The following KIF6 variants were observed in gnomAD, a reference collection of about 807,000 sequenced individuals.
The protein encoded by KIF6 is kinesin family member 6.
Under a neutral mutation model 112.7 loss-of-function variants are expected in KIF6, and 106 were observed. The ratio of observed to expected loss-of-function variants is 0.94; its 90% CI spans 0.80 to 1.11. KIF6 has a LOEUF of 1.11. Among genes scored for constraint, KIF6 ranks in the 50% least tolerant of loss-of-function variants. KIF6 has a pLI of 0.00. For synonymous variants in KIF6, 339 were observed against 339.9 expected (o/e 1.00, Z 0.03); for missense variants, 929 against 964.0 (o/e 0.96, Z 0.48).
At chr6:39,339,149 C>A (rs958596112) in intron 22 of KIF6, among the ~76,000 whole-genome samples, 1 of 152,134 alleles carries the variant, frequency 6.6e-6, no homozygotes, top group South Asian at 2.1e-4. Flanking sequence ...GAAAGGAGGG[C>A]ACACTACAGA....
chr6:39,645,877 A>G (rs1435311171), intron 3 of KIF6, among the ~76,000 whole-genome samples: 2 of 151,812 alleles, frequency 1.3e-5, no homozygotes, highest in African/African-American at 2.4e-5. Flanking sequence ...AGGACAAAAA[A>G]CCAAACACCA....
At chr6:39,364,180 C>T (rs144339427) in intron 16 of KIF6, among the ~76,000 whole-genome samples, 2 of 152,132 alleles carry the variant, frequency 1.3e-5, no homozygotes, top group East Asian at 1.9e-4. Flanking sequence ...CAACCTCTGC[C>T]TCCCAGGTTC....
intron 19 of KIF6, among the ~76,000 whole-genome samples, chr6:39,351,808 C>A (rs1764264202): frequency 6.6e-6 from 1 of 152,202 alleles, no homozygotes; most frequent in Non-Finnish European, 1.5e-5. Flanking sequence ...AGAGCTTATT[C>A]TCATGGGGCA....
chr6:39,606,479 A>C (rs1334372022), intron 6 of KIF6, among the ~76,000 whole-genome samples: 1 of 152,174 alleles, frequency 6.6e-6, no homozygotes, highest in African/African-American at 2.4e-5. Context: ...ATCTTTGAAC[A>C]TGACTATCCC....
chr6:39,342,692 C>T lies in KIF6; in HGVS notation c.2428+1017G>A, dbSNP rs1221564846. 7.4e-6 allele frequency: 4 copies of T among 542,088 alleles called. No homozygotes were observed. In the African/African-American group the frequency reaches 8.8e-5, roughly 12 times the overall value. The allele number at this position is 542,088 out of a possible 1,614,324, so 33.6% of individuals were successfully genotyped here. ...ACAGCAGAGGTGGGGCTGTCTCAGGCTTAAGAAAGGACCTGACAGTGTTGC... is the reference window on the plus strand; with the variant it reads ...ACAGCAGAGGTGGGGCTGTCTCAGGTTTAAGAAAGGACCTGACAGTGTTGC... On this transcript the variant is annotated intron_variant, in intron 22 of 22. Transcript: ENST00000287152. The surrounding 1 kb of genome is among the most constrained non-coding windows in gnomAD (Gnocchi z 4.7).
At chr6:39,536,617 G>A (rs1217147053) in intron 13 of KIF6, among the ~76,000 whole-genome samples, 1 of 152,070 alleles carries the variant, frequency 6.6e-6, no homozygotes, top group Non-Finnish European at 1.5e-5. Context: ...TGGATTCACA[G>A]CCGAATTCTA....
chr6:39,669,350 T>C lies in KIF6; in HGVS notation c.252-29593A>G, dbSNP rs143055215. Among the ~76,000 whole-genome samples the C allele has an allele frequency of 4.8e-4, 73 of 152,316 alleles. No individual in the cohort carries two copies. In the South Asian group the frequency reaches 0.011, roughly 22 times the overall value. On this transcript the variant is annotated intron_variant, in intron 3 of 22. Coordinates refer to ENST00000287152, the MANE Select transcript of KIF6 (RefSeq NM_145027.6). ...GAGTTCTTTACTCTCTGAATACTAA[T>C]GTTAAATAATTTTCTGTGTTATGCA...
chr6:39,443,156 T>TA (rs1181261661), intron 13 of KIF6, among the ~76,000 whole-genome samples: 2,089 of 112,926 alleles, frequency 0.018, 39 homozygotes, highest in African/African-American at 0.047. Flanking sequence ...ATAATAATAA[T>TA]AATAAATAAA....
chr6:39,649,498 AC>A (rs1785350361), intron 3 of KIF6, among the ~76,000 whole-genome samples: 1 of 152,182 alleles, frequency 6.6e-6, no homozygotes, highest in Non-Finnish European at 1.5e-5. Flanking sequence ...AAAGAAAGAG[AC>A]CCACAGGCAA....
intron 10 of KIF6, chr6:39,554,113 C>T: frequency 6.3e-6 from 1 of 158,016 alleles, no homozygotes; most frequent in Non-Finnish European, 1.4e-5. Context: ...GCTGACTGAG[C>T]TCAAGGCAGA....
chr6:39,456,500 G>A lies in KIF6; in HGVS notation c.1646-25339C>T, dbSNP rs1170620141. ...TCACCAGCTAACATCATAATGACAG[G>A]ATCAAATTCACACATAACAATATTA... On this transcript the variant is annotated intron_variant, in intron 13 of 22. Coordinates refer to ENST00000287152, the MANE Select transcript of KIF6 (RefSeq NM_145027.6). Among the ~76,000 whole-genome samples, 25 of 46,934 alleles carry A rather than the reference G, an allele frequency of 5.3e-4. 1 individual carries two copies. The highest frequency in any genetic ancestry group is 1.5e-4 in the Non-Finnish European group (4 of 26,136). 30.8% of individuals were successfully genotyped at this position (46,934 alleles called of 152,430 possible).
rs530449129 is a variant in KIF6 at position 39,627,221 on chromosome 6, C to T, written c.509+7628G>A. Among the ~76,000 whole-genome samples the T allele has an allele frequency of 2.7e-4, 41 of 152,242 alleles. 1 individual carries two copies. Among genetic ancestry groups the T allele is most frequent in the Admixed American group, 2.4e-3 (37 of 15,272 alleles). On this transcript the variant is annotated intron_variant, in intron 5 of 22. Coordinates refer to ENST00000287152, the MANE Select transcript of KIF6 (RefSeq NM_145027.6). ...ACACAAAAGCCACACTCCGCTGCCC[C>T]AAGTCCTACCCCTTCCCTCAAGGAT...
At chr6:39,344,036 ATGG>A (rs944642552) in intron 21 of KIF6, among the ~76,000 whole-genome samples, 48 of 152,272 alleles carry the variant, frequency 3.2e-4, no homozygotes, top group African/African-American at 1.1e-3. Flanking sequence ...AGACCCTGAT[ATGG>A]TTTGGCTGTG....
intron 16 of KIF6, among the ~76,000 whole-genome samples, chr6:39,363,731 GGTAA>G (rs757788473): frequency 1.3e-5 from 2 of 152,128 alleles, no homozygotes; most frequent in Non-Finnish European, 2.9e-5. Flanking sequence ...ATTTATTTGT[GGTAA>G]GTGTTATTAT....
chr6:39,516,992 C>A (rs1177474490), intron 13 of KIF6, among the ~76,000 whole-genome samples: 1 of 152,182 alleles, frequency 6.6e-6, no homozygotes, highest in East Asian at 1.9e-4. Flanking sequence ...TAGCAAATTT[C>A]ATTCTCCTTC....
chr6:39,578,963 G>C (rs951209240), intron 9 of KIF6, among the ~76,000 whole-genome samples: 1 of 152,154 alleles, frequency 6.6e-6, no homozygotes, highest in Non-Finnish European at 1.5e-5. Flanking sequence ...TTTCAGTAAA[G>C]GAATATATCA....
chr6:39,493,482 T>G (rs1433250424), intron 13 of KIF6, among the ~76,000 whole-genome samples: 1 of 152,214 alleles, frequency 6.6e-6, no homozygotes, highest in African/African-American at 2.4e-5. Context: ...CTGTTTCCCT[T>G]TGTACTCACT....
intron 6 of KIF6, among the ~76,000 whole-genome samples, chr6:39,609,908 C>A (rs373757827): frequency 6.6e-6 from 1 of 152,166 alleles, no homozygotes; most frequent in African/African-American, 2.4e-5. Context: ...GAAATGTAAT[C>A]CAAGAAACTG....
chr6:39,525,808 GATAAATAAATAA>G (rs55659921), intron 13 of KIF6, among the ~76,000 whole-genome samples: 2,946 of 147,626 alleles, frequency 0.02, 41 homozygotes, highest in South Asian at 0.052. Flanking sequence ...TAACTAAATA[GATAAATAAATAA>G]ATAAATAAAT....
Sources: allele counts gnomAD v4.1 joint callset (sites outside exome capture counted in the v4.1 genomes callset), GRCh38; gene constraint gnomAD v4.1.1; non-coding constraint Gnocchi (gnomAD v3.1); transcripts MANE v1.5; gene names NCBI Gene and HGNC (gene_info 2026-07-23, HGNC 2026-07-21).